Variants in HS6ST3 observed in about 807,000 individuals in gnomAD.
HS6ST3 encodes the protein heparan sulfate 6-O-sulfotransferase 3, also known as heparan-sulfate 6-O-sulfotransferase 3.
Under a neutral mutation model 36.7 loss-of-function variants are expected in HS6ST3, and 12 were observed. That is an observed-to-expected ratio of 0.33 (90% CI 0.21 to 0.53). The LOEUF is 0.53. HS6ST3 is among the 20% of genes least tolerant of loss of function. The pLI is 0.95. For missense variants in HS6ST3, 584 were observed against 640.9 expected (o/e 0.91, Z 0.96); for synonymous variants, 240 against 257.5 (o/e 0.93, Z 0.65).
chr13:96,479,996 T>C (rs1057095776), intron 1 of HS6ST3, among the ~76,000 whole-genome samples: 1 of 152,106 alleles, frequency 6.6e-6, no homozygotes, highest in African/African-American at 2.4e-5. Flanking sequence ...GCCCACTCAG[T>C]GACAGGATTG....
At chr13:96,635,790 A>C (rs1274125906) in intron 1 of HS6ST3, among the ~76,000 whole-genome samples, 1 of 152,092 alleles carries the variant, frequency 6.6e-6, no homozygotes, top group African/African-American at 2.4e-5. Context: ...TGAGTGATAA[A>C]CACTATATTG....
chr13:96,537,088 G>T (rs923616573), intron 1 of HS6ST3, among the ~76,000 whole-genome samples: 12 of 152,166 alleles, frequency 7.9e-5, no homozygotes, highest in African/African-American at 2.9e-4. Flanking sequence ...ACATACCCAA[G>T]ATTGGGTAAT....
chr13:96,634,805 T>C (rs2056543456), intron 1 of HS6ST3, among the ~76,000 whole-genome samples: 1 of 152,096 alleles, frequency 6.6e-6, no homozygotes, highest in African/African-American at 2.4e-5. Context: ...GATTCTCGAC[T>C]ACTGCTTCTC....
intron 1 of HS6ST3, among the ~76,000 whole-genome samples, chr13:96,176,433 G>A (rs774815435): frequency 1.1e-4 from 17 of 151,840 alleles, no homozygotes; most frequent in Admixed American, 9.2e-4. Context: ...TGAATACCTT[G>A]TTCTAGGCAG....
At chr13:96,495,168 C>A (rs1214980581) in intron 1 of HS6ST3, among the ~76,000 whole-genome samples, 1 of 152,178 alleles carries the variant, frequency 6.6e-6, no homozygotes, top group Non-Finnish European at 1.5e-5. Context: ...CCGTTTATAA[C>A]ACCTAGTTCT....
chr13:96,263,773 T>G (rs771291476), intron 1 of HS6ST3, among the ~76,000 whole-genome samples: 30 of 152,350 alleles, frequency 2.0e-4, no homozygotes, highest in Admixed American at 8.5e-4. Context: ...AAGACAGATA[T>G]GGACAAGAAC....
chr13:96,331,126 G>C (rs928968387), intron 1 of HS6ST3, among the ~76,000 whole-genome samples: 22 of 152,044 alleles, frequency 1.4e-4, no homozygotes, highest in Non-Finnish European at 3.1e-4. Context: ...CCTTTGGTTT[G>C]AATGTCCTCC....
At chr13:96,101,135 G>T (rs909376241) in intron 1 of HS6ST3, among the ~76,000 whole-genome samples, 3 of 152,092 alleles carry the variant, frequency 2.0e-5, no homozygotes, top group Admixed American at 6.5e-5. Flanking sequence ...TTGGCCAGTC[G>T]TATCTATATT....
At chr13:96,291,335 G>C (rs889087372) in intron 1 of HS6ST3, among the ~76,000 whole-genome samples, 10 of 152,164 alleles carry the variant, frequency 6.6e-5, no homozygotes, top group African/African-American at 2.4e-4. Flanking sequence ...CCTTGGGCTT[G>C]TTTAGTATTG....
At chr13:96,439,994 GC>G (rs1464751559) in intron 1 of HS6ST3, among the ~76,000 whole-genome samples, 1 of 152,146 alleles carries the variant, frequency 6.6e-6, no homozygotes, top group Non-Finnish European at 1.5e-5. Context: ...TTTCTAAAAG[GC>G]CTGGGGCTTA....
intron 1 of HS6ST3, among the ~76,000 whole-genome samples, chr13:96,326,089 A>C (rs767228858): frequency 1.2e-4 from 19 of 152,292 alleles, no homozygotes; most frequent in Non-Finnish European, 1.8e-4. Flanking sequence ...AACTGTACTC[A>C]AATAATAATA....
At chr13:96,155,066 T>C (rs1490438132) in intron 1 of HS6ST3, among the ~76,000 whole-genome samples, 1 of 152,176 alleles carries the variant, frequency 6.6e-6, no homozygotes, top group Admixed American at 6.5e-5. Context: ...AGTTAATCAT[T>C]CAGTTATATA....
intron 1 of HS6ST3, among the ~76,000 whole-genome samples, chr13:96,470,294 C>T (rs1404919308): frequency 6.6e-6 from 1 of 152,034 alleles, no homozygotes; most frequent in African/African-American, 2.4e-5. Context: ...TTTAAGCATT[C>T]CCTTTAAGGA....
chr13:96,393,048 A>G (rs1224087693), intron 1 of HS6ST3, among the ~76,000 whole-genome samples: 1 of 152,088 alleles, frequency 6.6e-6, no homozygotes, highest in Non-Finnish European at 1.5e-5. Flanking sequence ...GATAGTAACT[A>G]CATCTCATGA....
intron 1 of HS6ST3, among the ~76,000 whole-genome samples, chr13:96,376,428 G>T (rs535679806): frequency 6.6e-6 from 1 of 152,082 alleles, no homozygotes; most frequent in Admixed American, 6.6e-5. Context: ...GATTCAATCC[G>T]GACCTAAGTT....
chr13:96,700,609 AT>A (rs1875259900), intron 1 of HS6ST3, among the ~76,000 whole-genome samples: 1 of 152,226 alleles, frequency 6.6e-6, no homozygotes, highest in Non-Finnish European at 1.5e-5. Flanking sequence ...TTTATCTCAT[AT>A]AAGAAACCTA....
chr13:96,095,890 G>GTA (rs1198740478), intron 1 of HS6ST3, among the ~76,000 whole-genome samples: 1 of 151,670 alleles, frequency 6.6e-6, no homozygotes, highest in Non-Finnish European at 1.5e-5. Flanking sequence ...GTGTGTGTGT[G>GTA]TGTGTGTGTG....
rs57528030 is a variant in HS6ST3 at position 96,442,778 on chromosome 13, T to TAA, written c.707+351224_707+351225dup. Among the ~76,000 whole-genome samples, 971 of 124,236 alleles carry TAA rather than the reference T, an allele frequency of 7.8e-3. 6 individuals carry two copies. Among genetic ancestry groups the TAA allele is most frequent in the Non-Finnish European group, 0.012 (671 of 57,738 alleles). 81.5% of individuals were successfully genotyped at this position (124,236 alleles called of 152,430 possible). On this transcript the variant is annotated intron_variant, in intron 1 of 1. Coordinates refer to ENST00000376705, the MANE Select transcript of HS6ST3 (RefSeq NM_153456.4). ...ATATGATAAAAAGTACAATTGGAAG[T>TAA]AAAAAAAAAAAAAAAAGTCTGAGAA... is the stretch of plus-strand genomic sequence containing the variant.
chr13:96,311,255 T>G lies in HS6ST3; in HGVS notation c.707+219686T>G, dbSNP rs531807889. ...GGGGAAGGTGGATTTGTGAGCTTAG[T>G]GAAGAACCTTGGTAATGTTGCTATC... On this transcript the variant is annotated intron_variant, in intron 1 of 1. Transcript: ENST00000376705. Among the ~76,000 whole-genome samples the G allele has an allele frequency of 2.6e-5, 4 of 152,330 alleles. No individual in the cohort carries two copies. In the South Asian group the frequency reaches 8.3e-4, roughly 32 times the overall value.
Sources: gnomAD v4.1 joint callset for allele counts (sites outside exome capture counted in the v4.1 genomes callset) on GRCh38, gnomAD v4.1.1 for gene constraint, MANE v1.5 for transcripts, NCBI Gene and HGNC (gene_info 2026-07-23, HGNC 2026-07-21) for gene names.